CCDC90B: variants seen among roughly 807,000 people sequenced by gnomAD.
CCDC90B encodes coiled-coil domain-containing protein 90B, mitochondrial.
A neutral mutation model predicts 37.0 loss-of-function variants in CCDC90B; 24 were observed. The observed-to-expected ratio is 0.65, with a 90% confidence interval of 0.47 to 0.91. CCDC90B has a LOEUF of 0.91. CCDC90B is among the 40% of genes least tolerant of loss of function. The pLI is 0.00. For synonymous variants in CCDC90B, 113 were observed against 101.1 expected (o/e 1.12, Z -0.71); for missense variants, 319 against 299.0 (o/e 1.07, Z -0.49).
intron 7 of CCDC90B, among the ~76,000 whole-genome samples, chr11:83,271,836 T>C (rs558248847): frequency 6.6e-6 from 1 of 152,318 alleles, no homozygotes; most frequent in South Asian, 2.1e-4. Flanking sequence ...TGAGGCACTA[T>C]TCACAATAGC....
intron 7 of CCDC90B, among the ~76,000 whole-genome samples, chr11:83,271,942 A>G (rs1469202790): frequency 6.6e-6 from 1 of 152,234 alleles, no homozygotes; most frequent in African/African-American, 2.4e-5. Flanking sequence ...GCCATAAAAA[A>G]GGATGAGTTC....
chr11:83,274,580 G>T, intron 4 of CCDC90B, 59 bp downstream of exon 4: 1 of 973,328 alleles, frequency 1.0e-6, no homozygotes, highest in Non-Finnish European at 1.6e-6. Flanking sequence ...TATTCCTTAA[G>T]TAGGATGCTT....
intron 3 of CCDC90B, among the ~76,000 whole-genome samples, chr11:83,277,660 T>G (rs1051351649): frequency 6.6e-6 from 1 of 151,798 alleles, no homozygotes; most frequent in African/African-American, 2.4e-5. Flanking sequence ...TTTTTGTTTT[T>G]TTTTTTGTTT....
At position 83,278,753 on chromosome 11, in the gene CCDC90B, A is replaced by G; in HGVS notation, c.297T>C (p.Tyr99=). Residue 99 remains tyrosine, a synonymous_variant, in exon 3 of 9, where the codon TAT becomes TAC. Transcript: ENST00000529689. ...GTTGAGCTTGAGTGACCATCTCTTTATAGATAGTATCCAGGCTGACATTTG... is the reference window on the plus strand; with the variant it reads ...GTTGAGCTTGAGTGACCATCTCTTTGTAGATAGTATCCAGGCTGACATTTG... The part of the protein sequence containing the change: ...ALSNVSLDTI[Y]KEMVTQAQQE... 6.2e-7 allele frequency: 1 copy of G among 1,612,454 alleles called. No individual in the cohort carries two copies. Among genetic ancestry groups the G allele is most frequent in the Non-Finnish European group, 8.5e-7 (1 of 1,179,080 alleles).
chr11:83,279,332 C>T (rs1001580236), intron 2 of CCDC90B, among the ~76,000 whole-genome samples: 6 of 151,492 alleles, frequency 4.0e-5, no homozygotes, highest in African/African-American at 1.2e-4. Context: ...AATTTTAATT[C>T]TCATTCTGTA....
chr11:83,283,655 A>G (rs754681468), intron 1 of CCDC90B, among the ~76,000 whole-genome samples: 1 of 152,228 alleles, frequency 6.6e-6, no homozygotes, highest in Non-Finnish European at 1.5e-5. Flanking sequence ...TCAGTGCATA[A>G]GCACTCATTA....
chr11:83,260,357 T>C lies in CCDC90B; in HGVS notation c.*1554A>G, dbSNP rs1264480717. ...ACTGAACAAATGCAGTATACTTTGT[T>C]ACAGTGGACTTTAATATATATGGTA... On this transcript the variant is annotated 3_prime_UTR_variant, in exon 9 of 9. Coordinates refer to ENST00000529689, the MANE Select transcript of CCDC90B (RefSeq NM_021825.5). 6.6e-6 allele frequency: 1 copy of C among 152,202 alleles called. No homozygotes were observed. Among genetic ancestry groups the C allele is most frequent in the East Asian group, 1.9e-4 (1 of 5,204 alleles). The allele number at this position is 152,202 out of a possible 1,614,324, so 9.4% of individuals were successfully genotyped here. A position where few individuals can be genotyped will look rare whatever the true frequency, so the allele number is the denominator to read the frequency against.
Position 83,260,995 on chromosome 11 carries a change from G to A in CCDC90B, c.*916C>T, listed in dbSNP as rs901075485. ...GAAGCAGGGATAAACTGGTTTTTGA[G>A]TATCAAATATTTAAAAAATACATGT... is the stretch of plus-strand genomic sequence containing the variant. On this transcript the variant is annotated 3_prime_UTR_variant, in exon 9 of 9. Coordinates refer to ENST00000529689, the MANE Select transcript of CCDC90B (RefSeq NM_021825.5). 1 of 152,084 alleles carries A rather than the reference G, an allele frequency of 6.6e-6. No homozygotes were observed. Among genetic ancestry groups the A allele is most frequent in the Non-Finnish European group, 1.5e-5 (1 of 68,018 alleles). The allele number at this position is 152,084 out of a possible 1,614,324, so 9.4% of individuals were successfully genotyped here.
chr11:83,285,421 T>G, intron 1 of CCDC90B: 1 of 1,140,314 alleles, frequency 8.8e-7, no homozygotes, highest in Non-Finnish European at 1.1e-6. Context: ...CCAGTGAGAA[T>G]AAGGCAGACG....
At chr11:83,274,333 A>G (rs1034504181) in intron 4 of CCDC90B, 8 of 271,714 alleles carry the variant, frequency 2.9e-5, no homozygotes, top group Non-Finnish European at 4.0e-5. Flanking sequence ...TAAAATAGAA[A>G]ATGCCGTATT....
chr11:83,274,597 A>G, intron 4 of CCDC90B, 42 bp downstream of exon 4: 2 of 1,170,296 alleles, frequency 1.7e-6, no homozygotes, highest in South Asian at 1.4e-5. Flanking sequence ...GCTTATTATG[A>G]GATCAGTTAT....
Position 83,273,776 on chromosome 11 carries a change from A to T in CCDC90B, c.540+17T>A. The T allele has an allele frequency of 6.2e-7, 1 of 1,604,018 alleles. No individual in the cohort carries two copies. Among genetic ancestry groups the T allele is most frequent in the East Asian group, 2.2e-5 (1 of 44,750 alleles). On this transcript the variant is annotated intron_variant, in intron 6 of 8. Coordinates refer to ENST00000529689, the MANE Select transcript of CCDC90B (RefSeq NM_021825.5). ...AAGGAGTAAGTAACCAAGAAAGTAC[A>T]TTTAAAAGAACATTACCATATCTGT...
At position 83,274,734 on chromosome 11, in the gene CCDC90B, T is replaced by TGAGTTCTGGAGTCAGGCTGTC; in HGVS notation, c.330_331insGACAGCCTGACTCCAGAACTC (p.Ile110_Thr111insAspSerLeuThrProGluLeu). The TGAGTTCTGGAGTCAGGCTGTC allele has an allele frequency of 6.3e-7, 1 of 1,598,976 alleles. No homozygotes were observed. The highest frequency in any genetic ancestry group is 8.6e-7 in the Non-Finnish European group (1 of 1,168,904). ...AAATGAGCCATTAGCTGTTGTACTG[T>TGAGTTCTGGAGTCAGGCTGTC]TATTTCCTAGAAAACAAAATAAAAA... On this transcript the variant is annotated inframe_insertion, in exon 4 of 9. Coordinates refer to ENST00000529689, the MANE Select transcript of CCDC90B (RefSeq NM_021825.5).
chr11:83,280,574 T>C (rs543031886), intron 1 of CCDC90B, among the ~76,000 whole-genome samples: 13 of 152,238 alleles, frequency 8.5e-5, no homozygotes, highest in Non-Finnish European at 1.6e-4. Flanking sequence ...CTCTAATTAC[T>C]GAAAAGCAGA....
chr11:83,273,518 G>A (rs1342992862), intron 7 of CCDC90B, 129 bp downstream of exon 7: 4 of 613,798 alleles, frequency 6.5e-6, no homozygotes, highest in Non-Finnish European at 1.0e-5. Flanking sequence ...AACTATAATA[G>A]CTATGAGGAA....
intron 7 of CCDC90B, chr11:83,266,835 G>C (rs369224224): frequency 1.3e-5 from 2 of 152,290 alleles, no homozygotes; most frequent in African/African-American, 2.4e-5. Context: ...AGCCTAACTG[G>C]GAGACATCTT....
At position 83,278,736 on chromosome 11, in the gene CCDC90B, T is replaced by C; in HGVS notation, c.314A>G (p.Gln105Arg). The C allele has an allele frequency of 6.2e-7, 1 of 1,604,292 alleles. No homozygotes were observed. Among genetic ancestry groups the C allele is most frequent in the Non-Finnish European group, 8.5e-7 (1 of 1,172,328 alleles). ...TAATCAGTGTATTACCTGTTGAGCT[T>C]GAGTGACCATCTCTTTATAGATAGT... ...LDTIYKEMVT[Q>R]AQQEITVQQL... is the part of the protein sequence containing the mutation. Residue 105 changes from glutamine to arginine, a missense_variant, in exon 3 of 9, where the codon CAA becomes CGA. Coordinates refer to ENST00000529689, the MANE Select transcript of CCDC90B (RefSeq NM_021825.5).
At chr11:83,285,392 C>T in intron 1 of CCDC90B, 2 of 1,157,358 alleles carry the variant, frequency 1.7e-6, no homozygotes, top group Non-Finnish European at 2.2e-6. Context: ...TACAATGTGA[C>T]TGAAATGTAC....
chr11:83,284,332 A>G (rs1865558238), intron 1 of CCDC90B, among the ~76,000 whole-genome samples: 2 of 152,244 alleles, frequency 1.3e-5, no homozygotes, highest in South Asian at 4.1e-4. Context: ...AAAACAACCA[A>G]GCAAACATGT....
Sources: gnomAD v4.1 joint callset for allele counts (sites outside exome capture counted in the v4.1 genomes callset) on GRCh38, gnomAD v4.1.1 for gene constraint, MANE v1.5 for transcripts, NCBI Gene and HGNC (gene_info 2026-07-23, HGNC 2026-07-21) for gene names.